Variants in PARD3B observed in about 807,000 individuals in gnomAD.
PARD3B encodes partitioning defective 3 homolog B.
A neutral mutation model predicts 130.2 loss-of-function variants in PARD3B; 103 were observed. The ratio of observed to expected loss-of-function variants is 0.79; its 90% CI spans 0.67 to 0.93. The LOEUF (loss-of-function observed/expected upper bound fraction) is 0.93. Ranked by LOEUF, PARD3B falls within the 40% of genes least tolerant of loss-of-function variation. The pLI is 0.00. For missense variants in PARD3B, 1,609 were observed against 1,499.2 expected (o/e 1.07, Z -1.21); for synonymous variants, 583 against 553.2 (o/e 1.05, Z -0.76).
chr2:204,932,313 A>G (rs1025259591), intron 2 of PARD3B, among the ~76,000 whole-genome samples: 1 of 152,104 alleles, frequency 6.6e-6, no homozygotes, highest in Non-Finnish European at 1.5e-5. Context: ...ATTATGTTTC[A>G]TCTGTAAAAT....
At chr2:205,519,205 C>T (rs192458994) in intron 21 of PARD3B, among the ~76,000 whole-genome samples, 20 of 152,300 alleles carry the variant, frequency 1.3e-4, no homozygotes, top group Non-Finnish European at 2.6e-4. Flanking sequence ...CTTTCTCCCC[C>T]TCCCTTTCAG....
chr2:204,868,961 A>G (rs2045528977), intron 2 of PARD3B, among the ~76,000 whole-genome samples: 1 of 152,184 alleles, frequency 6.6e-6, no homozygotes, highest in Non-Finnish European at 1.5e-5. Context: ...TATCCGTCCA[A>G]CTACCTCTGA....
At chr2:204,766,980 T>TTC (rs55884178) in intron 2 of PARD3B, among the ~76,000 whole-genome samples, 2 of 127,318 alleles carry the variant, frequency 1.6e-5, no homozygotes, top group East Asian at 4.7e-4. Context: ...TTTTTTTTTT[T>TTC]CACATTTTTT....
At chr2:205,205,179 G>A (rs1027642969) in intron 15 of PARD3B, among the ~76,000 whole-genome samples, 2 of 152,096 alleles carry the variant, frequency 1.3e-5, no homozygotes, top group African/African-American at 4.8e-5. Flanking sequence ...CTTGTAAGTT[G>A]GATTCCTAGG....
rs2040657094 is a variant in PARD3B at position 205,269,998 on chromosome 2, A to G, written c.2185+24176A>G. On this transcript the variant is annotated intron_variant, in intron 16 of 22. Coordinates refer to ENST00000406610, the MANE Select transcript of PARD3B (RefSeq NM_001302769.2). The surrounding 1 kb of genome is among the most constrained non-coding windows in gnomAD (Gnocchi z 4.7). ...ACATTAAAATGACTAAAGGAGTGTA[A>G]TTGGCTTGTTTGTAACACAAAGGAT... Among the ~76,000 whole-genome samples the G allele has an allele frequency of 6.6e-6, 1 of 152,196 alleles. No individual in the cohort carries two copies. Among genetic ancestry groups the G allele is most frequent in the African/African-American group, 2.4e-5 (1 of 41,442 alleles).
At chr2:204,578,428 A>G (rs1017660512) in intron 1 of PARD3B, among the ~76,000 whole-genome samples, 4 of 152,146 alleles carry the variant, frequency 2.6e-5, no homozygotes, top group Non-Finnish European at 4.4e-5. Context: ...GTCTATGGGC[A>G]TCGGTGTGGT....
At chr2:204,680,345 A>C (rs533964144) in intron 1 of PARD3B, among the ~76,000 whole-genome samples, 1 of 152,120 alleles carries the variant, frequency 6.6e-6, no homozygotes, top group East Asian at 1.9e-4. Flanking sequence ...AAAATTGTTA[A>C]ATTTATAGGT....
chr2:204,793,224 A>G (rs530041878), intron 2 of PARD3B, among the ~76,000 whole-genome samples: 2 of 152,252 alleles, frequency 1.3e-5, no homozygotes, highest in Non-Finnish European at 2.9e-5. Context: ...TTCATCCAGA[A>G]TATTTCATTT....
At chr2:204,845,059 G>A (rs1267473493) in intron 2 of PARD3B, among the ~76,000 whole-genome samples, 1 of 152,080 alleles carries the variant, frequency 6.6e-6, no homozygotes, top group African/African-American at 2.4e-5. Context: ...TATCCTGCAC[G>A]CTGAGGATTA....
Position 205,525,104 on chromosome 2 carries a change from C to CT in PARD3B, c.3180+25074dup, listed in dbSNP as rs1359801202. On this transcript the variant is annotated intron_variant, in intron 21 of 22. Transcript: ENST00000406610. The surrounding 1 kb of genome is among the most constrained non-coding windows in gnomAD (Gnocchi z 4.2). The stretch of plus-strand genomic sequence containing the variant: ...TGCCTCACAAAGGCTATTTTCTTAG[C>CT]TGCAACTTTCTTATTCACACACAGT... Among the ~76,000 whole-genome samples the CT allele has an allele frequency of 3.3e-5, 5 of 152,200 alleles. No homozygotes were observed. Among genetic ancestry groups the CT allele is most frequent in the Admixed American group, 3.3e-4 (5 of 15,278 alleles).
intron 4 of PARD3B, among the ~76,000 whole-genome samples, chr2:205,100,201 C>G (rs1702669600): frequency 6.6e-6 from 1 of 151,976 alleles, no homozygotes; most frequent in Non-Finnish European, 1.5e-5. Flanking sequence ...TGTTAGGGAT[C>G]AACAACAAAG....
intron 2 of PARD3B, among the ~76,000 whole-genome samples, chr2:204,941,695 A>G (rs941203865): frequency 3.9e-5 from 6 of 152,178 alleles, no homozygotes; most frequent in African/African-American, 1.4e-4. Context: ...AGACAGATAT[A>G]TTCTTACTTC....
At chr2:205,306,432 T>G (rs1339211534) in intron 18 of PARD3B, among the ~76,000 whole-genome samples, 2 of 152,204 alleles carry the variant, frequency 1.3e-5, no homozygotes, top group African/African-American at 4.8e-5. Context: ...ACTAAAATAG[T>G]CTGTAAATAT....
intron 4 of PARD3B, among the ~76,000 whole-genome samples, chr2:205,100,694 T>C (rs536071722): frequency 2.0e-5 from 3 of 152,222 alleles, no homozygotes; most frequent in South Asian, 2.1e-4. Flanking sequence ...CTTACATTTT[T>C]GGAAAATTCA....
chr2:204,679,330 C>G (rs1198982688), intron 1 of PARD3B, among the ~76,000 whole-genome samples: 1 of 152,050 alleles, frequency 6.6e-6, no homozygotes. Context: ...TAGATGTATA[C>G]CCAGAAGTGG....
rs1405694637 is a variant in PARD3B at position 205,185,755 on chromosome 2, T to C, written c.1925-9T>C. ...ACTTTATACAGCTTCATTTGTTCTT[T>C]GTTTATAGGTCTATTGCTGCCCAAT... On this transcript the variant is annotated splice_polypyrimidine_tract_variant and intron_variant, in intron 13 of 22. Transcript: ENST00000406610. 1.9e-6 allele frequency: 3 copies of C among 1,610,938 alleles called. No individual in the cohort carries two copies. The highest frequency in any genetic ancestry group is 1.1e-5 in the South Asian group (1 of 91,012).
chr2:205,449,635 A>T (rs892523180), intron 20 of PARD3B, among the ~76,000 whole-genome samples: 2 of 152,196 alleles, frequency 1.3e-5, no homozygotes, highest in African/African-American at 4.8e-5. Context: ...AGGCACTTAG[A>T]GGCACTTAGT....
At chr2:204,554,034 T>G (rs998757860) in intron 1 of PARD3B, among the ~76,000 whole-genome samples, 1 of 152,122 alleles carries the variant, frequency 6.6e-6, no homozygotes, top group Non-Finnish European at 1.5e-5. Flanking sequence ...CCCAATAATT[T>G]ATGGAAATAA....
intron 4 of PARD3B, among the ~76,000 whole-genome samples, chr2:205,088,535 C>G (rs1375141206): frequency 6.6e-6 from 1 of 152,040 alleles, no homozygotes; most frequent in Non-Finnish European, 1.5e-5. Flanking sequence ...GGACCATAGC[C>G]ACAGAATTCA....
Sources: gnomAD v4.1 joint callset for allele counts (sites outside exome capture counted in the v4.1 genomes callset) on GRCh38, gnomAD v4.1.1 for gene constraint, Gnocchi (gnomAD v3.1) non-coding constraint, MANE v1.5 for transcripts, NCBI Gene and HGNC (gene_info 2026-07-23, HGNC 2026-07-21) for gene names.